PCDH11X: variants seen among roughly 807,000 people sequenced by gnomAD.
PCDH11X encodes the protein protocadherin-11 X-linked.
A neutral mutation model predicts 53.3 loss-of-function variants in PCDH11X; 18 were observed. The ratio of observed to expected loss-of-function variants is 0.34; its 90% CI spans 0.23 to 0.50. PCDH11X has a LOEUF of 0.50. Ranked by LOEUF, PCDH11X falls within the 20% of genes least tolerant of loss-of-function variation. PCDH11X has a pLI of 0.98. For synonymous variants in PCDH11X, 279 were observed against 393.3 expected (o/e 0.71, Z 3.44); for missense variants, 570 against 1,032.4 (o/e 0.55, Z 6.14).
At chrX:92,611,008 A>G (rs1181803343) in intron 10 of PCDH11X, among the ~76,000 whole-genome samples, 3 of 111,336 alleles carry the variant, frequency 2.7e-5, no homozygotes, top group Non-Finnish European at 5.7e-5. Flanking sequence ...GCCTTATAGT[A>G]CAGTCTGAAG....
rs1225396370 is a variant in PCDH11X at position 92,459,892 on chromosome X, G to A, written c.3344-8407G>A. ...GGCTGGGGGTCTGGCAGGAATGGGA[G>A]GCATCCAGAACAAGAAGACCATGCA... On this transcript the variant is annotated intron_variant, in intron 9 of 10. Coordinates refer to ENST00000682573, the MANE Select transcript of PCDH11X (RefSeq NM_032968.5). The A allele has an allele frequency of 6.9e-6, 8 of 1,154,914 alleles. No individual in the cohort carries two copies. In the East Asian group the frequency reaches 2.1e-4, roughly 30 times the overall value.
At chrX:92,125,740 C>T (rs1259432193) in intron 6 of PCDH11X, among the ~76,000 whole-genome samples, 3 of 109,801 alleles carry the variant, frequency 2.7e-5, no homozygotes, top group Non-Finnish European at 5.7e-5. Context: ...TGTTGGTGTG[C>T]TGCACTCGTT....
intron 6 of PCDH11X, among the ~76,000 whole-genome samples, chrX:92,081,888 A>G (rs1215666651): frequency 8.9e-6 from 1 of 111,820 alleles, no homozygotes; most frequent in Admixed American, 9.5e-5. Flanking sequence ...TAGACCAAAA[A>G]TATGTTGTTT....
intron 9 of PCDH11X, among the ~76,000 whole-genome samples, chrX:92,406,468 A>C (rs1381423621): frequency 9.7e-6 from 1 of 103,391 alleles, no homozygotes; most frequent in Admixed American, 1.1e-4. Context: ...TCTGTCATGG[A>C]AACAATGGAA....
At chrX:92,331,312 C>A (rs867786778) in intron 8 of PCDH11X, among the ~76,000 whole-genome samples, 478 of 87,119 alleles carry the variant, frequency 5.5e-3, no homozygotes, top group South Asian at 0.011. Context: ...TCTTCTTCTT[C>A]TTCTTCCTCT....
chrX:92,568,188 A>G (rs765956846), intron 10 of PCDH11X, among the ~76,000 whole-genome samples: 83 of 110,078 alleles, frequency 7.5e-4, no homozygotes, highest in Middle Eastern at 4.6e-3. Context: ...TTGGGAGGCC[A>G]AGGCGGGCAG....
chrX:92,329,249 A>G (rs1230072100), intron 8 of PCDH11X, among the ~76,000 whole-genome samples: 6 of 111,499 alleles, frequency 5.4e-5, no homozygotes, highest in Non-Finnish European at 1.1e-4. Context: ...CTTGTTATAG[A>G]AACTGTCAGC....
chrX:92,095,144 C>T (rs1032311965), intron 6 of PCDH11X, among the ~76,000 whole-genome samples: 1 of 110,719 alleles, frequency 9.0e-6, no homozygotes, highest in African/African-American at 3.3e-5. Context: ...AAATTTCCAG[C>T]ACAAAAATGT....
intron 6 of PCDH11X, among the ~76,000 whole-genome samples, chrX:92,141,373 G>A (rs2065176014): frequency 2.7e-5 from 3 of 111,885 alleles, no homozygotes; most frequent in African/African-American, 9.7e-5. Context: ...AGTGGAAATT[G>A]CAACATGATT....
Position 92,215,921 on chromosome X carries a change from C to T in PCDH11X, c.3114+14466C>T, listed in dbSNP as rs1245942537. On this transcript the variant is annotated intron_variant, in intron 7 of 10. Coordinates refer to ENST00000682573, the MANE Select transcript of PCDH11X (RefSeq NM_032968.5). ...CGAAAATCCGTGGTTCTGCAGCCAC[C>T]GCTGCTGATACCCAGGCAAACAGGG... Among the ~76,000 whole-genome samples the T allele has an allele frequency of 1.7e-3, 176 of 105,647 alleles. 2 individuals are homozygous for T. Among genetic ancestry groups the T allele is most frequent in the Non-Finnish European group, 1.0e-3 (52 of 50,828 alleles). The allele number at this position is 105,647 out of a possible 115,157, so 91.7% of individuals were successfully genotyped here. A position where few individuals can be genotyped will look rare whatever the true frequency, so the allele number is the denominator to read the frequency against.
At chrX:91,853,632 G>A (rs2147665976) in intron 5 of PCDH11X, among the ~76,000 whole-genome samples, 2 of 108,509 alleles carry the variant, frequency 1.8e-5, no homozygotes, top group East Asian at 5.7e-4. Flanking sequence ...GATTGTTAAT[G>A]GATAAGAAAA....
chrX:92,603,356 G>T (rs1267969418), intron 10 of PCDH11X, among the ~76,000 whole-genome samples: 1 of 108,210 alleles, frequency 9.2e-6, no homozygotes, highest in African/African-American at 3.4e-5. Context: ...AAGAAATAAA[G>T]AACAATTATG....
intron 7 of PCDH11X, among the ~76,000 whole-genome samples, chrX:92,217,833 C>T (rs1302032556): frequency 9.0e-6 from 1 of 111,285 alleles, no homozygotes; most frequent in African/African-American, 3.3e-5. Context: ...TGTAAAAGAA[C>T]AGAAATTATA....
At chrX:91,784,925 T>C (rs1935278941) in intron 1 of PCDH11X, among the ~76,000 whole-genome samples, 1 of 111,272 alleles carries the variant, frequency 9.0e-6, no homozygotes, top group Admixed American at 9.6e-5. Context: ...TCATCAAGGT[T>C]TCTTCCTTTC....
At chrX:91,892,923 A>T (rs1360683222) in intron 6 of PCDH11X, among the ~76,000 whole-genome samples, 1 of 110,408 alleles carries the variant, frequency 9.1e-6, no homozygotes, top group Non-Finnish European at 1.9e-5. Flanking sequence ...AAATGCTAGG[A>T]TTACAGGCGT....
intron 9 of PCDH11X, among the ~76,000 whole-genome samples, chrX:92,395,463 C>G (rs749905950): frequency 9.0e-6 from 1 of 111,041 alleles, no homozygotes; most frequent in Admixed American, 9.6e-5. Context: ...AACTCTAGTC[C>G]GTTTACTACA....
chrX:92,259,829 G>T (rs1385731721), intron 7 of PCDH11X, among the ~76,000 whole-genome samples: 1 of 111,453 alleles, frequency 9.0e-6, no homozygotes, highest in Non-Finnish European at 1.9e-5. Context: ...GCCAGGATCG[G>T]GTCCTTTCCT....
chrX:92,316,653 G>C (rs1384615302), intron 8 of PCDH11X, among the ~76,000 whole-genome samples: 2 of 110,493 alleles, frequency 1.8e-5, no homozygotes, highest in African/African-American at 6.6e-5. Flanking sequence ...TTCTGTTATT[G>C]ACCTTATGTT....
chrX:91,910,810 T>C (rs762818297), intron 6 of PCDH11X, among the ~76,000 whole-genome samples: 7 of 111,829 alleles, frequency 6.3e-5, no homozygotes, highest in African/African-American at 1.9e-4. Flanking sequence ...TGTCACATTT[T>C]ACCTTATTCA....
Sources: gnomAD v4.1 joint callset for allele counts (sites outside exome capture counted in the v4.1 genomes callset) on GRCh38, gnomAD v4.1.1 for gene constraint, MANE v1.5 for transcripts, NCBI Gene and HGNC (gene_info 2026-07-23, HGNC 2026-07-21) for gene names.